The following ARID5B variants were observed in gnomAD, a reference collection of about 807,000 sequenced individuals.
ARID5B encodes AT-rich interaction domain 5B, also known as AT-rich interactive domain-containing protein 5B.
In ARID5B, 13 loss-of-function variants were observed where a neutral mutation model predicts 97.2. The observed-to-expected ratio is 0.13, with a 90% CI of 0.09 to 0.21. ARID5B has a LOEUF of 0.21. ARID5B is among the 10% of genes least tolerant of loss of function. The pLI is 1.00. For missense variants in ARID5B, 1,210 were observed against 1,465.3 expected, an observed-to-expected ratio of 0.83 and a Z score of 2.84; for synonymous variants, 556 against 570.3, an observed-to-expected ratio of 0.97 and a Z score of 0.36.
chr10:61,923,099 G>A (rs1201121941), intron 2 of ARID5B, among the ~76,000 whole-genome samples: 1 of 152,148 alleles, frequency 6.6e-6, no homozygotes, highest in African/African-American at 2.4e-5. Context: ...TCAAATTGAG[G>A]AGCATGCATC....
At chr10:61,993,240 G>A (rs910618666) in intron 3 of ARID5B, among the ~76,000 whole-genome samples, 2 of 151,930 alleles carry the variant, frequency 1.3e-5, no homozygotes, top group African/African-American at 4.8e-5. Context: ...CTAACTTTGG[G>A]TACTAAGTTT....
rs1486276999 is a variant in ARID5B, at chr10:62,095,528, G to A, written c.*2498G>A. 8.6e-6 allele frequency: 2 copies of A among 233,472 alleles called. No homozygotes were observed. The highest frequency in any genetic ancestry group is 1.1e-4 in the Admixed American group (2 of 17,776). 14.5% of individuals were successfully genotyped at this position (233,472 alleles called of 1,614,324 possible). On this transcript the variant is annotated 3_prime_UTR_variant, in exon 10 of 10. Transcript: ENST00000279873. ...ACAATGTTAACATAGTCCAGCTTTT[G>A]TTTTTCTCATCTCTTCTGAGAGGAG...
intron 7 of ARID5B, among the ~76,000 whole-genome samples, chr10:62,064,847 C>T (rs1002700222): frequency 1.3e-5 from 2 of 152,140 alleles, no homozygotes; most frequent in Admixed American, 6.5e-5. Context: ...GATCTTGGCT[C>T]ACTGCATCCT....
At chr10:61,952,818 C>T (rs998312934) in intron 3 of ARID5B, among the ~76,000 whole-genome samples, 1 of 151,480 alleles carries the variant, frequency 6.6e-6, no homozygotes, top group African/African-American at 2.4e-5. Flanking sequence ...ATCCTGCTAG[C>T]CTGAGGATTG....
Position 62,057,101 on chromosome 10 carries a change from A to G in ARID5B, c.847-16A>G, listed in dbSNP as rs1839866402. ...GGCTGTGCCTCGTCTGATGTGGTATATTTTCCCTTTTCCAGGTGAAATGTG... is the reference window on the plus strand; with the variant it reads ...GGCTGTGCCTCGTCTGATGTGGTATGTTTTCCCTTTTCCAGGTGAAATGTG... On this transcript the variant is annotated splice_polypyrimidine_tract_variant and intron_variant, in intron 5 of 9. Transcript: ENST00000279873. The G allele has an allele frequency of 6.2e-7, 1 of 1,612,694 alleles. No individual in the cohort carries two copies. The highest frequency in any genetic ancestry group is 8.5e-7 in the Non-Finnish European group (1 of 1,179,304).
At chr10:62,040,860 G>T (rs1030947339) in intron 4 of ARID5B, among the ~76,000 whole-genome samples, 1 of 152,128 alleles carries the variant, frequency 6.6e-6, no homozygotes, top group Non-Finnish European at 1.5e-5. Flanking sequence ...CGTGGCTAGC[G>T]GTGACTGTAT....
At chr10:62,044,455 A>G (rs541988342) in intron 4 of ARID5B, among the ~76,000 whole-genome samples, 38 of 146,742 alleles carry the variant, frequency 2.6e-4, no homozygotes, top group Admixed American at 4.2e-4. Context: ...GTCTAGGCTC[A>G]CTGCAGCCTC....
intron 4 of ARID5B, among the ~76,000 whole-genome samples, chr10:62,024,283 A>G (rs913296990): frequency 6.6e-6 from 1 of 152,200 alleles, no homozygotes; most frequent in Admixed American, 6.5e-5. Context: ...ATTTGTACAC[A>G]TACACACAAA....
At chr10:61,913,550 C>T (rs1843845514) in intron 2 of ARID5B, among the ~76,000 whole-genome samples, 1 of 152,086 alleles carries the variant, frequency 6.6e-6, no homozygotes, top group South Asian at 2.1e-4. Flanking sequence ...ACAGTCTGGT[C>T]GGCTGTTTTG....
At chr10:61,954,345 G>A (rs1399725880) in intron 3 of ARID5B, among the ~76,000 whole-genome samples, 2 of 151,030 alleles carry the variant, frequency 1.3e-5, no homozygotes, top group Non-Finnish European at 1.5e-5. Flanking sequence ...CAACAAGAGG[G>A]AAACTGCATC....
chr10:62,083,314 A>G (rs1589290484), intron 8 of ARID5B, among the ~76,000 whole-genome samples: 1 of 19,414 alleles, frequency 5.2e-5, no homozygotes, highest in African/African-American at 1.4e-4. Flanking sequence ...AGAAAAAATG[A>G]AAAAAAAAAA....
chr10:61,981,909 G>C (rs139242369), intron 3 of ARID5B, among the ~76,000 whole-genome samples: 167 of 152,316 alleles, frequency 1.1e-3, no homozygotes, highest in African/African-American at 4.0e-3. Flanking sequence ...TGGTGGGAGA[G>C]ACTTTGGTCC....
At chr10:61,935,822 TAGTA>T (rs1243998149) in intron 2 of ARID5B, among the ~76,000 whole-genome samples, 2 of 152,216 alleles carry the variant, frequency 1.3e-5, no homozygotes, top group Non-Finnish European at 2.9e-5. Flanking sequence ...AACAAAAAAT[TAGTA>T]AGAACAGTGG....
chr10:62,022,938 G>A lies in ARID5B; in HGVS notation c.733+22617G>A, dbSNP rs1209286604. ...CAGAACCCGTGGTGCCCGTGTTAAC[G>A]AACTTCCCATCTGTTTTCTTACGAG... On this transcript the variant is annotated intron_variant, in intron 4 of 9. Coordinates refer to ENST00000279873, the MANE Select transcript of ARID5B (RefSeq NM_032199.3). 5.9e-5 allele frequency among the ~76,000 whole-genome samples: 9 copies of A among 152,176 alleles called. No individual in the cohort carries two copies. The South Asian group carries it at 8.3e-4, about 14-fold the overall frequency.
intron 3 of ARID5B, among the ~76,000 whole-genome samples, chr10:61,958,721 C>T (rs990496180): frequency 6.6e-6 from 1 of 152,180 alleles, no homozygotes; most frequent in African/African-American, 2.4e-5. Context: ...AGTTCAAACC[C>T]AGCTTTCCAA....
At chr10:62,023,647 T>C (rs12243209) in intron 4 of ARID5B, among the ~76,000 whole-genome samples, 9,529 of 152,096 alleles carry the variant, frequency 0.063, 538 homozygotes, top group Admixed American at 0.19. Flanking sequence ...AAAAAGGAAG[T>C]GGGGGAATAC....
intron 3 of ARID5B, among the ~76,000 whole-genome samples, chr10:61,994,757 A>T (rs940685866): frequency 1.6e-4 from 24 of 151,992 alleles, no homozygotes; most frequent in Non-Finnish European, 2.1e-4. Context: ...AATAAGTAAA[A>T]AATTGACATT....
intron 2 of ARID5B, among the ~76,000 whole-genome samples, chr10:61,912,666 T>TTATATATATATA (rs35376293): frequency 6.8e-6 from 1 of 147,364 alleles, no homozygotes; most frequent in African/African-American, 2.5e-5. Flanking sequence ...ATATGCATGT[T>TTATATATATATA]TATATATATA....
intron 4 of ARID5B, among the ~76,000 whole-genome samples, chr10:62,003,221 A>G (rs1839103664): frequency 6.6e-6 from 1 of 152,180 alleles, no homozygotes; most frequent in African/African-American, 2.4e-5. Flanking sequence ...TTTAAAATCT[A>G]ATTGGGGAAG....
Sources: allele counts gnomAD v4.1 joint callset (sites outside exome capture counted in the v4.1 genomes callset), GRCh38; gene constraint gnomAD v4.1.1; transcripts MANE v1.5; gene names NCBI Gene and HGNC (gene_info 2026-07-23, HGNC 2026-07-21).